Variants in SLC16A10 observed in about 807,000 individuals in gnomAD.
SLC16A10 encodes monocarboxylate transporter 10.
Under a neutral mutation model 40.0 loss-of-function variants are expected in SLC16A10, and 27 were observed. That is an observed-to-expected ratio of 0.67 (90% CI 0.50 to 0.93). The LOEUF (loss-of-function observed/expected upper bound fraction) is 0.93, where lower values mean the gene tolerates loss of function less well. SLC16A10 is among the 40% of genes least tolerant of loss of function. The probability of loss-of-function intolerance (pLI) is 0.00; values close to 1 mark genes in which losing one functional copy is unlikely to be tolerated. For synonymous variants in SLC16A10, 213 were observed against 249.8 expected (o/e 0.85, Z 1.39); for missense variants, 529 against 658.2 (o/e 0.80, Z 2.15).
intron 3 of SLC16A10, among the ~76,000 whole-genome samples, chr6:111,202,431 T>C (rs893038878): frequency 2.0e-5 from 3 of 152,070 alleles, no homozygotes; most frequent in African/African-American, 7.2e-5. Flanking sequence ...TGAGCTGTGA[T>C]TGCGCCAGTG....
At chr6:111,115,943 G>A (rs1474808161) in intron 1 of SLC16A10, among the ~76,000 whole-genome samples, 1 of 152,074 alleles carries the variant, frequency 6.6e-6, no homozygotes, top group Non-Finnish European at 1.5e-5. Flanking sequence ...CATACTACTT[G>A]TAGGGACCCC....
chr6:111,188,767 C>T (rs535896625), intron 3 of SLC16A10, among the ~76,000 whole-genome samples: 20 of 152,258 alleles, frequency 1.3e-4, no homozygotes, highest in Non-Finnish European at 2.2e-4. Context: ...TCATTCCCTT[C>T]GCAATTAACT....
chr6:111,129,894 A>AT (rs1047427435), intron 1 of SLC16A10, among the ~76,000 whole-genome samples: 114 of 151,966 alleles, frequency 7.5e-4, no homozygotes, highest in South Asian at 2.3e-3. Flanking sequence ...ATTCAAAGTG[A>AT]TTTTTTTTTA....
intron 1 of SLC16A10, among the ~76,000 whole-genome samples, chr6:111,145,286 A>G (rs1482773830): frequency 6.6e-6 from 1 of 152,078 alleles, no homozygotes; most frequent in African/African-American, 2.4e-5. Flanking sequence ...CTGTGGTCCC[A>G]GCTACTCAGG....
chr6:111,148,016 A>G (rs61289233), intron 1 of SLC16A10, among the ~76,000 whole-genome samples: 2,653 of 152,280 alleles, frequency 0.017, 72 homozygotes, highest in African/African-American at 0.06. Context: ...TATACTTTAA[A>G]TAGATGCCTG....
intron 1 of SLC16A10, among the ~76,000 whole-genome samples, chr6:111,097,498 G>C (rs1449041082): frequency 6.6e-6 from 1 of 151,860 alleles, no homozygotes. Context: ...ATTTTTAGTA[G>C]AGGTAGGGTT....
chr6:111,175,482 A>C (rs1270815499), intron 2 of SLC16A10, among the ~76,000 whole-genome samples: 1 of 152,250 alleles, frequency 6.6e-6, no homozygotes, highest in Non-Finnish European at 1.5e-5. Context: ...TGAAGAAGGC[A>C]GAGAGAAATG....
chr6:111,168,130 C>T (rs574085256), intron 1 of SLC16A10, among the ~76,000 whole-genome samples: 1 of 152,212 alleles, frequency 6.6e-6, no homozygotes, highest in South Asian at 2.1e-4. Flanking sequence ...CAGGCACCCG[C>T]CACCACACCC....
chr6:111,136,585 A>G (rs1338424899), intron 1 of SLC16A10, among the ~76,000 whole-genome samples: 1 of 152,222 alleles, frequency 6.6e-6, no homozygotes, highest in African/African-American at 2.4e-5. Context: ...ACCCAGCGAC[A>G]TTTCTTCCAG....
chr6:111,119,503 A>G (rs923524066), intron 1 of SLC16A10, among the ~76,000 whole-genome samples: 5 of 152,240 alleles, frequency 3.3e-5, no homozygotes, highest in Non-Finnish European at 5.9e-5. Context: ...AAGCATTTGT[A>G]GCTTGTGAGG....
Position 111,100,992 on chromosome 6 carries a change from CTATATATA to C in SLC16A10, c.343+12916_343+12923del, listed in dbSNP as rs71021826. Among the ~76,000 whole-genome samples the C allele has an allele frequency of 6.0e-3, 395 of 66,382 alleles. 3 individuals carry two copies. The highest frequency in any genetic ancestry group is 0.013 in the African/African-American group (203 of 15,502). 43.5% of individuals were successfully genotyped at this position (66,382 alleles called of 152,430 possible). ...TCTCTCTCTCTCTCTCTCTCTCTCT[CTATATATA>C]TATATATATATATATATAAATATAT... is the stretch of plus-strand genomic sequence containing the variant. On this transcript the variant is annotated intron_variant, in intron 1 of 5. Coordinates refer to ENST00000368851, the MANE Select transcript of SLC16A10 (RefSeq NM_018593.5).
intron 1 of SLC16A10, among the ~76,000 whole-genome samples, chr6:111,167,621 GTTAT>G (rs58079056): frequency 6.7e-6 from 1 of 149,472 alleles, no homozygotes; most frequent in South Asian, 2.1e-4. Flanking sequence ...GGGCTCGATT[GTTAT>G]TTATTTATTT....
intron 3 of SLC16A10, among the ~76,000 whole-genome samples, chr6:111,202,146 G>A (rs1773176818): frequency 6.6e-6 from 1 of 152,190 alleles, no homozygotes; most frequent in South Asian, 2.1e-4. Flanking sequence ...GCTCTAGTGA[G>A]GGGAAAGTAA....
At position 111,087,873 on chromosome 6, in the gene SLC16A10, G is replaced by T; in HGVS notation, c.121G>T (p.Ala41Ser). 6.6e-7 allele frequency: 1 copy of T among 1,523,864 alleles called. No homozygotes were observed. The allele number at this position is 1,523,864 out of a possible 1,614,324, so 94.4% of individuals were successfully genotyped here. Residue 41 changes from alanine (A) to serine (S), a missense_variant, in exon 1 of 6, where the codon GCG becomes TCG. Ala to Ser is a moderately conservative substitution (Grantham distance 99, BLOSUM62 1). Coordinates refer to ENST00000368851, the MANE Select transcript of SLC16A10 (RefSeq NM_018593.5). ...CCCGGGACCCTCGGACAGCCCCGAG[G>T]CGGCTGTCGAGAAGGTGGAGGTGGA... ...PGPGPSDSPE[A>S]AVEKVEVELA... is the part of the protein sequence containing the mutation.
chr6:111,155,136 A>T (rs1304212443), intron 1 of SLC16A10, among the ~76,000 whole-genome samples: 1 of 151,496 alleles, frequency 6.6e-6, no homozygotes, highest in Non-Finnish European at 1.5e-5. Flanking sequence ...CTAAGGTGAC[A>T]CACAGAGGGT....
At chr6:111,203,128 A>G (rs914351548) in intron 3 of SLC16A10, among the ~76,000 whole-genome samples, 1 of 152,082 alleles carries the variant, frequency 6.6e-6, no homozygotes, top group Non-Finnish European at 1.5e-5. Flanking sequence ...AGAAATATCC[A>G]TTTTGTCCTA....
rs556892254 is a variant in SLC16A10 at position 111,126,475 on chromosome 6, T to G, written c.343+38380T>G. ...GCATTGACTAATGTTGAACTATATC[T>G]AGGAGCGTCATATTCATGCTACTAC... On this transcript the variant is annotated intron_variant, in intron 1 of 5. Coordinates refer to ENST00000368851, the MANE Select transcript of SLC16A10 (RefSeq NM_018593.5). Among the ~76,000 whole-genome samples, 9 of 152,304 alleles carry G rather than the reference T, an allele frequency of 5.9e-5. No individual in the cohort carries two copies. In the South Asian group the frequency reaches 1.9e-3, roughly 32 times the overall value.
At chr6:111,185,271 T>C (rs1772874349) in intron 3 of SLC16A10, among the ~76,000 whole-genome samples, 1 of 152,208 alleles carries the variant, frequency 6.6e-6, no homozygotes, top group Non-Finnish European at 1.5e-5. Context: ...AAATATACTC[T>C]TTTTATGAAG....
intron 1 of SLC16A10, among the ~76,000 whole-genome samples, chr6:111,171,789 C>T (rs903266314): frequency 7.1e-6 from 1 of 141,614 alleles, no homozygotes; most frequent in East Asian, 2.0e-4. Context: ...GCACTCCAGC[C>T]TGGGCAGCGG....
Sources: allele counts gnomAD v4.1 joint callset (sites outside exome capture counted in the v4.1 genomes callset), GRCh38; gene constraint gnomAD v4.1.1; transcripts MANE v1.5; gene names NCBI Gene and HGNC (gene_info 2026-07-23, HGNC 2026-07-21).